Variants in GALNTL5 observed in about 807,000 individuals in gnomAD.
GALNTL5 encodes polypeptide N-acetylgalactosaminyltransferase like 5, also known as inactive polypeptide N-acetylgalactosaminyltransferase-like protein 5.
GALNTL5 carries 44 observed loss-of-function variants against 51.0 expected under a neutral mutation model. That is an observed-to-expected ratio of 0.86 (90% CI 0.68 to 1.11). The LOEUF (loss-of-function observed/expected upper bound fraction) is 1.11. GALNTL5 is among the 50% of genes least tolerant of loss of function. The pLI is 0.00. For synonymous variants in GALNTL5, 192 were observed against 182.8 expected, an observed-to-expected ratio of 1.05 and a Z score of -0.41; for missense variants, 528 against 531.8, an observed-to-expected ratio of 0.99 and a Z score of 0.07.
At chr7:151,991,744 G>C (rs1427359437) in intron 5 of GALNTL5, among the ~76,000 whole-genome samples, 1 of 152,076 alleles carries the variant, frequency 6.6e-6, no homozygotes, top group East Asian at 1.9e-4. Context: ...TTCTTGATAA[G>C]AAGATTTGTA....
At chr7:151,963,700 T>C (rs1287990460) in intron 1 of GALNTL5, among the ~76,000 whole-genome samples, 7 of 152,172 alleles carry the variant, frequency 4.6e-5, no homozygotes, top group Non-Finnish European at 8.8e-5. Flanking sequence ...GCCTGGCCAT[T>C]TATTCTAATT....
chr7:152,001,212 A>T (rs1269549040), intron 5 of GALNTL5, among the ~76,000 whole-genome samples: 4 of 146,056 alleles, frequency 2.7e-5, no homozygotes, highest in Non-Finnish European at 4.5e-5. Flanking sequence ...CGCACCAGCC[A>T]TTTTTTTTTT....
rs550987811 is a variant in GALNTL5, at chr7:151,971,095, C to CTAGATAGATAGA, written c.368+63_368+74dup. 67 of 1,120,606 alleles carry CTAGATAGATAGA rather than the reference C, an allele frequency of 6.0e-5. 1 individual carries two copies. The African/African-American group carries it at 7.3e-4, about 12-fold the overall frequency. The allele number at this position is 1,120,606 out of a possible 1,614,324, so 69.4% of individuals were successfully genotyped here. A position where few individuals can be genotyped will look rare whatever the true frequency, so the allele number is the denominator to read the frequency against. On this transcript the variant is annotated intron_variant, in intron 3 of 8. Transcript: ENST00000392800. Reference sequence around the variant, plus strand: ...GTTGTCTCTCTCTTTCTCTCATTCTCTAGATAGATAGATAGATAGATAGAT... The same window carrying CTAGATAGATAGA: ...GTTGTCTCTCTCTTTCTCTCATTCTCTAGATAGATAGATAGATAGATAGATAGATAGATAGAT...
intron 1 of GALNTL5, among the ~76,000 whole-genome samples, chr7:151,961,554 GA>G (rs1483889069): frequency 2.0e-5 from 3 of 152,178 alleles, no homozygotes; most frequent in African/African-American, 7.2e-5. Flanking sequence ...AAGTTAGAGA[GA>G]GGACAAAAAT....
At chr7:152,010,169 G>A (rs2081711993) in intron 7 of GALNTL5, among the ~76,000 whole-genome samples, 1 of 151,920 alleles carries the variant, frequency 6.6e-6, no homozygotes, top group Admixed American at 6.6e-5. Context: ...CTGGAGTGCA[G>A]TGGCACGATC....
chr7:151,996,470 T>C (rs988615762), intron 5 of GALNTL5, among the ~76,000 whole-genome samples: 1 of 152,142 alleles, frequency 6.6e-6, no homozygotes, highest in Admixed American at 6.5e-5. Flanking sequence ...CTGGGTGCCG[T>C]GGCTCACGCC....
At chr7:151,963,923 T>C (rs2081024943) in intron 1 of GALNTL5, among the ~76,000 whole-genome samples, 1 of 152,210 alleles carries the variant, frequency 6.6e-6, no homozygotes, top group Non-Finnish European at 1.5e-5. Context: ...CTGGAGTCTT[T>C]CCTCAAATGT....
intron 5 of GALNTL5, among the ~76,000 whole-genome samples, chr7:151,992,584 G>A (rs967897731): frequency 6.6e-6 from 1 of 152,010 alleles, no homozygotes; most frequent in Non-Finnish European, 1.5e-5. Flanking sequence ...TCCCCCAACC[G>A]AATCTCAGAA....
At position 151,995,348 on chromosome 7, in the gene GALNTL5, A is replaced by ATTTTTTTTTTTT. The variant is rs71198750; in HGVS notation, c.659-7335_659-7324dup. 1.3e-4 allele frequency: 9 copies of ATTTTTTTTTTTT among 71,172 alleles called. 1 individual carries two copies. Among genetic ancestry groups the ATTTTTTTTTTTT allele is most frequent in the African/African-American group, 1.9e-4 (4 of 20,748 alleles). The allele number at this position is 71,172 out of a possible 1,614,324, so 4.4% of individuals were successfully genotyped here. A position where few individuals can be genotyped will look rare whatever the true frequency, so the allele number is the denominator to read the frequency against. On this transcript the variant is annotated intron_variant, in intron 5 of 8. Coordinates refer to ENST00000392800, the MANE Select transcript of GALNTL5 (RefSeq NM_145292.4). ...AGAAATCTACGATCAGTTGGTATGA[A>ATTTTTTTTTTTT]TTTTTTTTTTTTTTTTTTTTTTTTT...
At chr7:151,985,153 T>C (rs758511917) in intron 4 of GALNTL5, among the ~76,000 whole-genome samples, 85 of 152,234 alleles carry the variant, frequency 5.6e-4, no homozygotes, top group Non-Finnish European at 1.0e-3. Context: ...CACCCAGTTA[T>C]GCCTCTGCAA....
intron 5 of GALNTL5, among the ~76,000 whole-genome samples, chr7:151,991,505 A>G (rs1461529704): frequency 1.3e-5 from 2 of 152,222 alleles, no homozygotes; most frequent in African/African-American, 4.8e-5. Flanking sequence ...AATGTAATGT[A>G]ATTTTTTTCA....
In GALNTL5 at chr7:151,967,350, G is replaced by T; in HGVS notation, c.104G>T (p.Trp35Leu). 4 of 1,614,118 alleles carry T rather than the reference G, an allele frequency of 2.5e-6. No homozygotes were observed. Among genetic ancestry groups the T allele is most frequent in the Non-Finnish European group, 3.4e-6 (4 of 1,180,014 alleles). Residue 35 changes from tryptophan (W) to leucine (L), a missense_variant, in exon 2 of 9, where the codon TGG (tryptophan) becomes TTG (leucine). Trp to Leu is a moderately conservative substitution (Grantham distance 61, BLOSUM62 -2). Coordinates refer to ENST00000392800, the MANE Select transcript of GALNTL5 (RefSeq NM_145292.4). The stretch of plus-strand genomic sequence containing the variant: ...TTGCACCATAATCATGTGAGCAGCT[G>T]GCAGAAGAAAAGCCAGGAGCCTCTG... ...IYLHHNHVSS[W>L]QKKSQEPLSA...
chr7:151,992,450 C>T (rs973387484), intron 5 of GALNTL5, among the ~76,000 whole-genome samples: 4 of 152,184 alleles, frequency 2.6e-5, no homozygotes, highest in South Asian at 4.1e-4. Flanking sequence ...GCAGGGGAGG[C>T]TCCTTCCCTG....
chr7:151,967,539 G>A (rs1004383993), intron 2 of GALNTL5, 46 bp downstream of exon 2: 8 of 1,539,786 alleles, frequency 5.2e-6, no homozygotes, highest in Non-Finnish European at 7.1e-6. Context: ...AGGGGAAAAT[G>A]TACAACAATA....
intron 1 of GALNTL5, among the ~76,000 whole-genome samples, chr7:151,965,487 G>GA (rs2081048008): frequency 6.6e-6 from 1 of 152,138 alleles, no homozygotes; most frequent in Admixed American, 6.5e-5. Flanking sequence ...AAAATATAGA[G>GA]AAAAATATCA....
intron 4 of GALNTL5, among the ~76,000 whole-genome samples, chr7:151,985,355 C>T (rs1456679489): frequency 6.6e-5 from 10 of 152,190 alleles, no homozygotes; most frequent in Non-Finnish European, 2.9e-5. Flanking sequence ...TGCTTCTCCT[C>T]CTCTATCTGA....
At chr7:151,994,541 C>A (rs1296884429) in intron 5 of GALNTL5, among the ~76,000 whole-genome samples, 1 of 152,050 alleles carries the variant, frequency 6.6e-6, no homozygotes, top group Admixed American at 6.6e-5. Flanking sequence ...GCTGCACGGG[C>A]CTTCCTGCTT....
chr7:152,019,796 C>G lies in GALNTL5; in HGVS notation c.1327C>G (p.Leu443Val), dbSNP rs2081867846. The change falls in exon 9 of 9, where the codon CTG (leucine) becomes GTG (valine). Residue 443 changes from leucine to valine, a missense_variant. Physicochemically the swap from Leu to Val is conservative, Grantham distance 32 (BLOSUM62 1). Coordinates refer to ENST00000392800, the MANE Select transcript of GALNTL5 (RefSeq NM_145292.4). ...FPELEASVNSL is the reference protein window; with the variant it reads ...FPELEASVNSV ...AGAGTTGGAGGCATCTGTGAACAGCCTGTGAAAGGAAAACAAATCACTTTC... is the reference window on the plus strand; with the variant it reads ...AGAGTTGGAGGCATCTGTGAACAGCGTGTGAAAGGAAAACAAATCACTTTC... 1.0e-5 allele frequency: 16 copies of G among 1,606,180 alleles called. No homozygotes were observed. The highest frequency in any genetic ancestry group is 1.4e-5 in the Non-Finnish European group (16 of 1,175,726).
At chr7:151,976,321 A>G (rs2081204364) in intron 3 of GALNTL5, among the ~76,000 whole-genome samples, 1 of 152,168 alleles carries the variant, frequency 6.6e-6, no homozygotes, top group Non-Finnish European at 1.5e-5. Context: ...CCAACTGGCA[A>G]TATAATATTG....
Sources: gnomAD v4.1 joint callset for allele counts (sites outside exome capture counted in the v4.1 genomes callset) on GRCh38, gnomAD v4.1.1 for gene constraint, MANE v1.5 for transcripts, NCBI Gene and HGNC (gene_info 2026-07-23, HGNC 2026-07-21) for gene names.